KIAA0232: variants seen among roughly 807,000 people sequenced by gnomAD.
KIAA0232 encodes the protein KIAA0232.
In KIAA0232, 27 loss-of-function variants were observed where a neutral mutation model predicts 122.0. The observed-to-expected ratio is 0.22, with a 90% CI of 0.16 to 0.31. KIAA0232 has a LOEUF of 0.31. Ranked by LOEUF, KIAA0232 falls within the 10% of genes least tolerant of loss-of-function variation. The pLI is 1.00. For missense variants in KIAA0232, 1,551 were observed against 1,634.2 expected, an observed-to-expected ratio of 0.95 and a Z score of 0.88; for synonymous variants, 613 against 587.6, an observed-to-expected ratio of 1.04 and a Z score of -0.63.
chr4:6,834,368 G>A (rs192309109), intron 3 of KIAA0232, among the ~76,000 whole-genome samples: 1 of 152,184 alleles, frequency 6.6e-6, no homozygotes, highest in East Asian at 1.9e-4. Context: ...AGGAATACTA[G>A]ACACAAAGTA....
intron 4 of KIAA0232, among the ~76,000 whole-genome samples, chr4:6,846,546 T>A (rs1414813266): frequency 4.6e-5 from 7 of 151,866 alleles, no homozygotes; most frequent in Non-Finnish European, 8.8e-5. Context: ...CCGAACCCCA[T>A]GCCTACCTGC....
chr4:6,867,338 G>A (rs74677370), intron 7 of KIAA0232, among the ~76,000 whole-genome samples: 13,269 of 152,198 alleles, frequency 0.087, 791 homozygotes, highest in Non-Finnish European at 0.1. Flanking sequence ...AGGCAGGGCA[G>A]TCCAGGCAGA....
chr4:6,813,361 T>TG (rs957398079), intron 2 of KIAA0232, among the ~76,000 whole-genome samples: 27 of 151,380 alleles, frequency 1.8e-4, no homozygotes, highest in African/African-American at 2.2e-4. Flanking sequence ...GTTTTTTTTT[T>TG]TTTGTTTTTT....
At chr4:6,792,418 C>G (rs1164331838) in intron 1 of KIAA0232, among the ~76,000 whole-genome samples, 6 of 152,034 alleles carry the variant, frequency 3.9e-5, no homozygotes, top group African/African-American at 1.4e-4. Flanking sequence ...TCTAACTACT[C>G]TGAATAATCA....
intron 5 of KIAA0232, among the ~76,000 whole-genome samples, chr4:6,858,082 G>T (rs578081495): frequency 1.1e-4 from 16 of 152,196 alleles, no homozygotes; most frequent in Non-Finnish European, 2.4e-4. Context: ...GTAGAATTTT[G>T]TGAGAAAATA....
Position 6,880,868 on chromosome 4 carries a change from T to C in KIAA0232, c.4090T>C (p.Ser1364Pro), listed in dbSNP as rs1722035828. The C allele has an allele frequency of 6.2e-7, 1 of 1,607,294 alleles. No individual in the cohort carries two copies. Among genetic ancestry groups the C allele is most frequent in the Admixed American group, 1.7e-5 (1 of 58,858 alleles). ...KSDGFRGKMC[S>P]SASSTSEETG... is the part of the protein sequence containing the mutation. ...AGATGGCTTCCGCGGAAAGATGTGCTCCAGCGCCAGCTCCACCTCGGAAGA... is the reference window on the plus strand; with the variant it reads ...AGATGGCTTCCGCGGAAAGATGTGCCCCAGCGCCAGCTCCACCTCGGAAGA... Residue 1364 changes from serine to proline, a missense_variant, in exon 10 of 10, where the codon TCC becomes CCC. Physicochemically the swap from Ser to Pro is moderately conservative, Grantham distance 74. This residue lies in a region of KIAA0232 where 1,108 missense variants were observed against 1,154.8 expected (regional missense o/e 0.96). Coordinates refer to ENST00000307659, the MANE Select transcript of KIAA0232 (RefSeq NM_014743.3).
chr4:6,788,140 G>A (rs970422881), intron 1 of KIAA0232, among the ~76,000 whole-genome samples: 1 of 152,074 alleles, frequency 6.6e-6, no homozygotes, highest in African/African-American at 2.4e-5. Flanking sequence ...CCTTCCTCCT[G>A]CTGCCTTGGC....
chr4:6,807,971 G>A (rs1224836306), intron 2 of KIAA0232, among the ~76,000 whole-genome samples: 6 of 152,206 alleles, frequency 3.9e-5, no homozygotes, highest in Non-Finnish European at 7.3e-5. Context: ...GGGTGGCTGA[G>A]GCAGGAGAAT....
At chr4:6,817,223 A>G (rs1395900027) in intron 2 of KIAA0232, among the ~76,000 whole-genome samples, 3 of 152,112 alleles carry the variant, frequency 2.0e-5, no homozygotes, top group South Asian at 4.2e-4. Context: ...AAATATTGAT[A>G]GGTTGTGTTT....
intron 3 of KIAA0232, among the ~76,000 whole-genome samples, chr4:6,825,523 C>G (rs1718630982): frequency 6.6e-6 from 1 of 152,098 alleles, no homozygotes; most frequent in African/African-American, 2.4e-5. Flanking sequence ...CCATTGCACT[C>G]CAGCCTTGGC....
chr4:6,878,265 C>T lies in KIAA0232; in HGVS notation c.4008+1508C>T, dbSNP rs1235227063. ...TGGTGCACCCCTGTAATCCCAGCTA[C>T]TTGGGAGGCTGAAGCTGGAGAATTG... On this transcript the variant is annotated intron_variant, in intron 9 of 9. Transcript: ENST00000307659. Among the ~76,000 whole-genome samples the T allele has an allele frequency of 2.6e-5, 4 of 152,244 alleles. No homozygotes were observed. The East Asian group carries it at 7.7e-4, about 29-fold the overall frequency.
intron 2 of KIAA0232, among the ~76,000 whole-genome samples, chr4:6,823,360 C>T (rs6826573): frequency 0.81 from 122,987 of 151,996 alleles, 50,320 homozygotes; most frequent in Non-Finnish European, 0.85. Flanking sequence ...CCACACTGAC[C>T]TCCACAATGG....
chr4:6,874,442 G>A (rs1453854387), intron 8 of KIAA0232, among the ~76,000 whole-genome samples: 1 of 152,184 alleles, frequency 6.6e-6, no homozygotes, highest in East Asian at 1.9e-4. Flanking sequence ...GGCCAGCCAG[G>A]CAGCTGGGAG....
At chr4:6,840,714 A>T (rs1016362514) in intron 3 of KIAA0232, among the ~76,000 whole-genome samples, 2 of 151,670 alleles carry the variant, frequency 1.3e-5, no homozygotes, top group African/African-American at 4.8e-5. Context: ...GTTTATGTAT[A>T]AGCAGACTTT....
chr4:6,816,871 T>C (rs1250204988), intron 2 of KIAA0232, among the ~76,000 whole-genome samples: 2 of 152,188 alleles, frequency 1.3e-5, no homozygotes, highest in African/African-American at 4.8e-5. Context: ...AGTTATTGAA[T>C]TTATTGGTAT....
chr4:6,800,043 CTTTT>C (rs752428517), intron 1 of KIAA0232, among the ~76,000 whole-genome samples: 105 of 60,020 alleles, frequency 1.7e-3, no homozygotes, highest in African/African-American at 5.3e-3. Flanking sequence ...TTCTTTCTTT[CTTTT>C]TTTTTTTTTT....
intron 4 of KIAA0232, among the ~76,000 whole-genome samples, chr4:6,849,331 A>T (rs1432821954): frequency 6.6e-6 from 1 of 152,222 alleles, no homozygotes; most frequent in Non-Finnish European, 1.5e-5. Flanking sequence ...CTGCAAGAAT[A>T]TAATTCCTGG....
chr4:6,785,434 A>G (rs1577349041), intron 1 of KIAA0232, among the ~76,000 whole-genome samples: 2 of 152,252 alleles, frequency 1.3e-5, no homozygotes, highest in African/African-American at 4.8e-5. Context: ...ATGGCTTGTG[A>G]GCTAATTTCC....
At chr4:6,841,552 AC>A (rs1346902550) in intron 3 of KIAA0232, among the ~76,000 whole-genome samples, 6 of 152,202 alleles carry the variant, frequency 3.9e-5, no homozygotes, top group Non-Finnish European at 8.8e-5. Flanking sequence ...AAATACATAA[AC>A]TTTTTTTATA....
Sources: allele counts gnomAD v4.1 joint callset (sites outside exome capture counted in the v4.1 genomes callset), GRCh38; gene constraint gnomAD v4.1.1; regional missense constraint gnomAD v4.1.1; transcripts MANE v1.5; gene names NCBI Gene and HGNC (gene_info 2026-07-23, HGNC 2026-07-21).